INPP4B: variants seen among roughly 807,000 people sequenced by gnomAD.
INPP4B encodes the protein inositol polyphosphate-4-phosphatase type II B, also known as inositol polyphosphate 4-phosphatase type II.
INPP4B carries 55 observed loss-of-function variants against 122.5 expected under a neutral mutation model. That is an observed-to-expected ratio of 0.45 (90% CI 0.36 to 0.56). INPP4B has a LOEUF of 0.56. Among genes scored for constraint, INPP4B ranks in the 20% least tolerant of loss-of-function variants. INPP4B has a pLI of 0.00. For synonymous variants in INPP4B, 403 were observed against 388.7 expected, an observed-to-expected ratio of 1.04 and a Z score of -0.43; for missense variants, 1,000 against 1,097.7, an observed-to-expected ratio of 0.91 and a Z score of 1.26.
At chr4:142,200,194 C>T (rs1840056395) in intron 14 of INPP4B, among the ~76,000 whole-genome samples, 1 of 151,768 alleles carries the variant, frequency 6.6e-6, no homozygotes, top group Non-Finnish European at 1.5e-5. Flanking sequence ...TTTTGCTGTT[C>T]AGGTTGTGCC....
intron 2 of INPP4B, among the ~76,000 whole-genome samples, chr4:142,602,372 G>A (rs1296883721): frequency 1.3e-5 from 2 of 152,050 alleles, no homozygotes; most frequent in Admixed American, 1.3e-4. Flanking sequence ...TGGATAGAAA[G>A]AATCAATATT....
chr4:142,055,440 A>G (rs893991461), intron 25 of INPP4B, among the ~76,000 whole-genome samples: 8 of 152,084 alleles, frequency 5.3e-5, no homozygotes, highest in African/African-American at 1.4e-4. Flanking sequence ...AAAGCAGGTC[A>G]TTGTCAAATA....
intron 1 of INPP4B, among the ~76,000 whole-genome samples, chr4:142,778,725 C>A (rs1309211118): frequency 6.6e-6 from 1 of 152,100 alleles, no homozygotes; most frequent in Non-Finnish European, 1.5e-5. Flanking sequence ...ATGCAACTTA[C>A]CACCACTACT....
chr4:142,465,244 T>C (rs930301898), intron 2 of INPP4B, among the ~76,000 whole-genome samples: 13 of 152,308 alleles, frequency 8.5e-5, no homozygotes, highest in Non-Finnish European at 1.6e-4. Context: ...TTCAGACTTT[T>C]TTTTTGTTCC....
intron 2 of INPP4B, among the ~76,000 whole-genome samples, chr4:142,651,760 C>T (rs1180815786): frequency 6.6e-6 from 1 of 152,122 alleles, no homozygotes; most frequent in Admixed American, 6.6e-5. Flanking sequence ...AGTCCAGCAC[C>T]TGGTAGATTC....
intron 3 of INPP4B, among the ~76,000 whole-genome samples, chr4:142,453,385 A>T (rs777533526): frequency 2.6e-5 from 4 of 152,176 alleles, no homozygotes; most frequent in Non-Finnish European, 4.4e-5. Context: ...ATTCCTTATG[A>T]TGATACTTCA....
At chr4:142,545,734 C>CGTGT (rs1396866635) in intron 2 of INPP4B, among the ~76,000 whole-genome samples, 1 of 111,386 alleles carries the variant, frequency 9.0e-6, no homozygotes, top group South Asian at 2.8e-4. Flanking sequence ...TGTATATACA[C>CGTGT]ATATATGTGT....
At chr4:142,700,806 T>C (rs1216594863) in intron 2 of INPP4B, among the ~76,000 whole-genome samples, 1 of 152,198 alleles carries the variant, frequency 6.6e-6, no homozygotes, top group African/African-American at 2.4e-5. Context: ...TGAATTTATA[T>C]TTTTATACCA....
chr4:142,148,057 C>T (rs1424121029), intron 17 of INPP4B, among the ~76,000 whole-genome samples: 2 of 152,100 alleles, frequency 1.3e-5, no homozygotes, highest in Non-Finnish European at 2.9e-5. Flanking sequence ...ATCACTACCA[C>T]CGACTGCATT....
At chr4:142,629,990 T>C (rs1747567166) in intron 2 of INPP4B, among the ~76,000 whole-genome samples, 2 of 152,098 alleles carry the variant, frequency 1.3e-5, no homozygotes, top group African/African-American at 2.4e-5. Context: ...ACACTAAACA[T>C]TGTCTAGACA....
At chr4:142,663,442 A>T (rs559305579) in intron 2 of INPP4B, among the ~76,000 whole-genome samples, 15 of 152,260 alleles carry the variant, frequency 9.9e-5, no homozygotes, top group South Asian at 2.1e-4. Flanking sequence ...ATATAGATAT[A>T]TTAATAGAAA....
chr4:142,694,873 AG>A (rs893892521), intron 2 of INPP4B, among the ~76,000 whole-genome samples: 25 of 152,210 alleles, frequency 1.6e-4, no homozygotes, highest in African/African-American at 6.0e-4. Flanking sequence ...TCAACTAAAA[AG>A]TCCCTCAGAA....
chr4:142,665,470 G>C (rs576031846), intron 2 of INPP4B, among the ~76,000 whole-genome samples: 23 of 147,768 alleles, frequency 1.6e-4, no homozygotes, highest in Non-Finnish European at 2.5e-4. Context: ...CTCCAGCCTG[G>C]GTGACAGAGC....
At chr4:142,387,805 C>T (rs2130252) in intron 7 of INPP4B, among the ~76,000 whole-genome samples, 4 of 152,054 alleles carry the variant, frequency 2.6e-5, no homozygotes, top group Non-Finnish European at 5.9e-5. Context: ...TTCTATCATA[C>T]AGAGGGGTAC....
chr4:142,282,756 A>G (rs1751786933), intron 9 of INPP4B, among the ~76,000 whole-genome samples: 1 of 152,118 alleles, frequency 6.6e-6, no homozygotes, highest in African/African-American at 2.4e-5. Context: ...AGACACTATT[A>G]TGCATGGTTA....
intron 23 of INPP4B, among the ~76,000 whole-genome samples, chr4:142,106,596 A>G (rs2152679446): frequency 6.6e-6 from 1 of 152,306 alleles, no homozygotes; most frequent in South Asian, 2.1e-4. Context: ...TAGCAATATG[A>G]TTGTTTTAAG....
At chr4:142,488,917 C>T (rs1457831633) in intron 2 of INPP4B, among the ~76,000 whole-genome samples, 1 of 151,902 alleles carries the variant, frequency 6.6e-6, no homozygotes, top group Non-Finnish European at 1.5e-5. Context: ...TTTACTCTCC[C>T]TTTTCAAGCC....
intron 3 of INPP4B, among the ~76,000 whole-genome samples, chr4:142,437,477 A>G (rs971722036): frequency 4.6e-5 from 7 of 152,092 alleles, no homozygotes; most frequent in African/African-American, 1.4e-4. Context: ...CAAGGTCGAC[A>G]TGAAGGAAAA....
At chr4:142,367,084 G>C (rs1787785190) in intron 7 of INPP4B, among the ~76,000 whole-genome samples, 1 of 152,058 alleles carries the variant, frequency 6.6e-6, no homozygotes, top group African/African-American at 2.4e-5. Context: ...GCCAGAAGTA[G>C]GGCTGCAGGA....
Sources: allele counts gnomAD v4.1 joint callset (sites outside exome capture counted in the v4.1 genomes callset), GRCh38; gene constraint gnomAD v4.1.1; transcripts MANE v1.5; gene names NCBI Gene and HGNC (gene_info 2026-07-23, HGNC 2026-07-21).